FRAS1: variants seen among roughly 807,000 people sequenced by gnomAD.
FRAS1 encodes the protein Fraser extracellular matrix complex subunit 1.
FRAS1 carries 290 observed loss-of-function variants against 435.2 expected under a neutral mutation model. The ratio of observed to expected loss-of-function variants is 0.67; its 90% CI spans 0.61 to 0.73. FRAS1 has a LOEUF of 0.73. Ranked by LOEUF, FRAS1 falls within the 30% of genes least tolerant of loss-of-function variation. FRAS1 has a pLI of 0.00. For missense variants in FRAS1, 4,860 were observed against 5,001.5 expected (o/e 0.97, Z 0.85); for synonymous variants, 1,800 against 1,851.0 (o/e 0.97, Z 0.71).
intron 9 of FRAS1, among the ~76,000 whole-genome samples, chr4:78,275,690 A>T (rs926548967): frequency 1.3e-5 from 2 of 152,188 alleles, no homozygotes; most frequent in African/African-American, 2.4e-5. Context: ...ATCAGCTGTT[A>T]GTCTGATGGG....
At chr4:78,492,382 T>G (rs2109868074) in intron 59 of FRAS1, among the ~76,000 whole-genome samples, 1 of 152,320 alleles carries the variant, frequency 6.6e-6, no homozygotes, top group East Asian at 1.9e-4. Flanking sequence ...TCACACTACC[T>G]GACTTCAAAC....
rs1730207883 is a variant in FRAS1 at position 78,337,323 on chromosome 4, G to A, written c.2279-351G>A. Among the ~76,000 whole-genome samples the A allele has an allele frequency of 2.0e-5, 3 of 152,148 alleles. No individual in the cohort carries two copies. In the South Asian group the frequency reaches 6.2e-4, roughly 32 times the overall value. On this transcript the variant is annotated intron_variant, in intron 19 of 73. Coordinates refer to ENST00000512123, the MANE Select transcript of FRAS1 (RefSeq NM_025074.7). ...CCACTCATTCTTTGAGTCATGGTAT[G>A]TTAGGGTCAGGGAGTCCTACCACTC...
chr4:78,140,123 C>T (rs1489903120), intron 2 of FRAS1, among the ~76,000 whole-genome samples: 1 of 152,104 alleles, frequency 6.6e-6, no homozygotes, highest in East Asian at 1.9e-4. Context: ...TTAATCTGCA[C>T]ACGTACTTTC....
intron 2 of FRAS1, among the ~76,000 whole-genome samples, chr4:78,082,466 T>A (rs982525415): frequency 5.9e-5 from 9 of 152,200 alleles, no homozygotes; most frequent in East Asian, 1.9e-4. Flanking sequence ...CAAAACAACA[T>A]AAATACATTA....
chr4:78,322,640 GC>G (rs1231994651), intron 18 of FRAS1, among the ~76,000 whole-genome samples: 1 of 152,124 alleles, frequency 6.6e-6, no homozygotes, highest in Admixed American at 6.6e-5. Context: ...TTTACTTTGA[GC>G]CACACAACAA....
chr4:78,123,409 A>G (rs1279771834), intron 2 of FRAS1, among the ~76,000 whole-genome samples: 1 of 152,158 alleles, frequency 6.6e-6, no homozygotes, highest in African/African-American at 2.4e-5. Context: ...GTCAGGTAGC[A>G]GGATGCCTCC....
chr4:78,182,031 G>A, intron 2 of FRAS1: 4 of 1,525,262 alleles, frequency 2.6e-6, no homozygotes, highest in Non-Finnish European at 2.6e-6. Context: ...AAGCCTTCCT[G>A]TAAGTGCCCA....
At chr4:78,230,649 A>G (rs1724479534) in intron 2 of FRAS1, among the ~76,000 whole-genome samples, 1 of 152,172 alleles carries the variant, frequency 6.6e-6, no homozygotes, top group Non-Finnish European at 1.5e-5. Context: ...TGAAAACCAG[A>G]CTTGTCAGGA....
intron 70 of FRAS1, among the ~76,000 whole-genome samples, chr4:78,531,404 C>T (rs917260634): frequency 2.0e-5 from 3 of 152,140 alleles, no homozygotes; most frequent in African/African-American, 7.2e-5. Context: ...GAGAGGGCAT[C>T]CTTGTCTTGT....
intron 18 of FRAS1, among the ~76,000 whole-genome samples, chr4:78,330,254 C>A (rs1032059355): frequency 1.3e-5 from 2 of 152,240 alleles, no homozygotes; most frequent in South Asian, 4.1e-4. Flanking sequence ...CAATCAATAC[C>A]CTTGTGATTT....
chr4:78,442,818 G>A (rs1214900671), intron 41 of FRAS1, among the ~76,000 whole-genome samples: 1 of 152,222 alleles, frequency 6.6e-6, no homozygotes, highest in Non-Finnish European at 1.5e-5. Context: ...GGAGGTTGGT[G>A]TGGGCCTGTG....
At chr4:78,497,902 C>T (rs1720552020) in intron 60 of FRAS1, among the ~76,000 whole-genome samples, 1 of 152,108 alleles carries the variant, frequency 6.6e-6, no homozygotes, top group Non-Finnish European at 1.5e-5. Flanking sequence ...AGTTCAGATC[C>T]CAAAGTGAAC....
chr4:78,114,509 G>A (rs1370830514), intron 2 of FRAS1, among the ~76,000 whole-genome samples: 1 of 142,142 alleles, frequency 7.0e-6, no homozygotes, highest in African/African-American at 2.7e-5. Context: ...ATTTCATTGA[G>A]CAGTGGTTTG....
At chr4:78,096,074 C>T (rs1383177024) in intron 2 of FRAS1, among the ~76,000 whole-genome samples, 1 of 152,194 alleles carries the variant, frequency 6.6e-6, no homozygotes, top group East Asian at 1.9e-4. Context: ...AATGGAGTTA[C>T]AGGCATTGGG....
chr4:78,222,121 G>C (rs1724083775), intron 2 of FRAS1, among the ~76,000 whole-genome samples: 1 of 152,058 alleles, frequency 6.6e-6, no homozygotes, highest in Non-Finnish European at 1.5e-5. Flanking sequence ...GTATTAATGG[G>C]CTCAAGGCAC....
chr4:78,288,456 C>A (rs902124449), intron 14 of FRAS1, among the ~76,000 whole-genome samples: 1 of 152,074 alleles, frequency 6.6e-6, no homozygotes, highest in Admixed American at 6.5e-5. Context: ...CTCCCATGCC[C>A]GTTGTTTTAA....
chr4:78,153,182 A>G (rs1333159534), intron 2 of FRAS1, among the ~76,000 whole-genome samples: 1 of 152,096 alleles, frequency 6.6e-6, no homozygotes, highest in African/African-American at 2.4e-5. Flanking sequence ...ACTTTTTGAT[A>G]GCCTTCCAGC....
chr4:78,193,528 G>A (rs1167945807), intron 2 of FRAS1, among the ~76,000 whole-genome samples: 5 of 152,090 alleles, frequency 3.3e-5, no homozygotes, highest in African/African-American at 1.2e-4. Context: ...TTATGTAGTG[G>A]CCTTCTGTGT....
At chr4:78,187,850 G>A (rs1381115566) in intron 2 of FRAS1, among the ~76,000 whole-genome samples, 2 of 152,104 alleles carry the variant, frequency 1.3e-5, no homozygotes, top group African/African-American at 4.8e-5. Context: ...TGATCTGCCC[G>A]ACTTGGCCTC....
Sources: allele counts gnomAD v4.1 joint callset (sites outside exome capture counted in the v4.1 genomes callset), GRCh38; gene constraint gnomAD v4.1.1; transcripts MANE v1.5; gene names NCBI Gene and HGNC (gene_info 2026-07-23, HGNC 2026-07-21).